MAP4: variants seen among roughly 807,000 people sequenced by gnomAD.
The protein encoded by MAP4 is microtubule-associated protein 4.
Under a neutral mutation model 170.2 loss-of-function variants are expected in MAP4, and 76 were observed. The observed-to-expected ratio is 0.45, with a 90% CI of 0.37 to 0.54. The LOEUF is 0.54. Ranked by LOEUF, MAP4 falls within the 20% of genes least tolerant of loss-of-function variation. MAP4 has a pLI of 0.00. For synonymous variants in MAP4, 909 were observed against 994.5 expected, an observed-to-expected ratio of 0.91 and a Z score of 1.62; for missense variants, 2,506 against 2,748.0, an observed-to-expected ratio of 0.91 and a Z score of 1.97.
Position 47,871,960 on chromosome 3 carries a change from T to C in MAP4, c.5898A>G (p.Pro1966=). ...GGAGCGTGGAGGGGCTCCTACTGCT[T>C]GGGCCAGTTGAGGCAACAGCAGCAG... ...TTAAAVASTG[P]SSRSPSTLLP... is the part of the protein sequence containing the mutation. Residue 1966 remains proline, a synonymous_variant, in exon 13 of 21, where the codon CCA becomes CCG. Transcript: ENST00000683076. 1 of 1,613,928 alleles carries C rather than the reference T, an allele frequency of 6.2e-7. No individual in the cohort carries two copies. Among genetic ancestry groups the C allele is most frequent in the Non-Finnish European group, 8.5e-7 (1 of 1,179,878 alleles).
chr3:48,072,242 T>A (rs150923083), intron 1 of MAP4, among the ~76,000 whole-genome samples: 1,607 of 152,132 alleles, frequency 0.011, 28 homozygotes, highest in African/African-American at 0.037. Flanking sequence ...GCACGCTGGC[T>A]CATGCCTGTA....
rs2100037859 is a variant in MAP4, at chr3:47,914,895, C to T, written c.1921G>A (p.Glu641Lys). ...CCTAGTTTTTCTAACACAGAATCCT[C>T]CTCGGCCGGCAAGCTGCACTTTTTC... is the stretch of plus-strand genomic sequence containing the variant. ...TGKKCSLPAE[E>K]DSVLEKLGER... The change falls in exon 8 of 21, where the codon GAG becomes AAG. Residue 641 changes from glutamate to lysine, a missense_variant. Transcript: ENST00000683076. The T allele has an allele frequency of 1.2e-6, 2 of 1,614,020 alleles. No homozygotes were observed. Among genetic ancestry groups the T allele is most frequent in the Non-Finnish European group, 1.7e-6 (2 of 1,180,034 alleles).
chr3:47,987,125 C>G (rs559643014), intron 2 of MAP4, among the ~76,000 whole-genome samples: 1 of 152,270 alleles, frequency 6.6e-6, no homozygotes, highest in South Asian at 2.1e-4. Flanking sequence ...ATCTGCTTCT[C>G]CATGATTCTC....
intron 3 of MAP4, among the ~76,000 whole-genome samples, chr3:47,936,164 G>A (rs1307979061): frequency 1.3e-5 from 2 of 151,894 alleles, no homozygotes; most frequent in Non-Finnish European, 1.5e-5. Context: ...GCCAGGCATG[G>A]TGGCTCACAC....
At chr3:48,076,868 C>G (rs1404052678) in intron 1 of MAP4, among the ~76,000 whole-genome samples, 2 of 152,154 alleles carry the variant, frequency 1.3e-5, no homozygotes, top group Non-Finnish European at 2.9e-5. Flanking sequence ...AAGATACTAT[C>G]AGTCAGGCAT....
At chr3:48,042,662 G>A (rs2100122253) in intron 1 of MAP4, among the ~76,000 whole-genome samples, 1 of 152,098 alleles carries the variant, frequency 6.6e-6, no homozygotes, top group Admixed American at 6.5e-5. Flanking sequence ...CTGCTAATGA[G>A]AACATAAAAT....
intron 11 of MAP4, 133 bp from the exon 12 acceptor site, chr3:47,876,033 T>G: frequency 3.2e-6 from 2 of 629,528 alleles, no homozygotes; most frequent in South Asian, 4.6e-5. Flanking sequence ...TGAGGATAGA[T>G]GCAACTTAAA....
intron 3 of MAP4, among the ~76,000 whole-genome samples, chr3:47,964,970 A>C (rs28698081): frequency 0.041 from 6,305 of 152,236 alleles, 435 homozygotes; most frequent in African/African-American, 0.14. Context: ...TCATCTTGCA[A>C]ATCAGAAACT....
At chr3:48,038,756 G>A (rs778363830) in intron 1 of MAP4, among the ~76,000 whole-genome samples, 6 of 152,182 alleles carry the variant, frequency 3.9e-5, no homozygotes, top group Middle Eastern at 3.4e-3. Flanking sequence ...CACTGTGCCC[G>A]GCCTACTGAA....
chr3:48,034,681 C>A (rs554030485), intron 1 of MAP4, among the ~76,000 whole-genome samples: 1 of 151,722 alleles, frequency 6.6e-6, no homozygotes, highest in Non-Finnish European at 1.5e-5. Flanking sequence ...CCACCCTGGG[C>A]GACAGAGAGA....
At chr3:48,003,260 C>T (rs1361050225) in intron 1 of MAP4, among the ~76,000 whole-genome samples, 1 of 151,940 alleles carries the variant, frequency 6.6e-6, no homozygotes, top group Non-Finnish European at 1.5e-5. Flanking sequence ...CGAGACCATC[C>T]TGGTTAACAT....
At chr3:48,049,278 TA>T (rs2100126272) in intron 1 of MAP4, among the ~76,000 whole-genome samples, 1 of 152,204 alleles carries the variant, frequency 6.6e-6, no homozygotes, top group Non-Finnish European at 1.5e-5. Flanking sequence ...TTATTTGGAG[TA>T]AATAACCAAA....
chr3:47,930,430 C>T (rs62260760), intron 3 of MAP4, among the ~76,000 whole-genome samples: 41 of 145,162 alleles, frequency 2.8e-4, no homozygotes, highest in East Asian at 8.1e-4. Context: ...CCGGCCTGGG[C>T]GACAGAGCGA....
chr3:48,040,053 C>A (rs1027910229), intron 1 of MAP4, among the ~76,000 whole-genome samples: 2 of 152,114 alleles, frequency 1.3e-5, no homozygotes, highest in Non-Finnish European at 2.9e-5. Context: ...ATTGACTATA[C>A]AAGTGACATA....
chr3:47,964,544 GA>G (rs1209482365), intron 3 of MAP4, among the ~76,000 whole-genome samples: 2 of 152,000 alleles, frequency 1.3e-5, no homozygotes, highest in Non-Finnish European at 2.9e-5. Context: ...ATTCAGTTTA[GA>G]ACATTTCAAA....
At chr3:47,888,089 G>A (rs2097913313) in intron 10 of MAP4, among the ~76,000 whole-genome samples, 1 of 152,202 alleles carries the variant, frequency 6.6e-6, no homozygotes, top group Admixed American at 6.5e-5. Context: ...TGGGGCCTTG[G>A]AGAATCTGTG....
chr3:48,075,084 C>T (rs2100143170), intron 1 of MAP4, among the ~76,000 whole-genome samples: 1 of 152,162 alleles, frequency 6.6e-6, no homozygotes, highest in African/African-American at 2.4e-5. Context: ...AGAAAACTCA[C>T]ACTTCCTAAT....
chr3:47,926,572 T>C (rs1577733765), intron 4 of MAP4, among the ~76,000 whole-genome samples: 1 of 152,170 alleles, frequency 6.6e-6, no homozygotes, highest in Non-Finnish European at 1.5e-5. Flanking sequence ...TCTTGCTGTA[T>C]TGCCCACGCT....
At chr3:48,066,837 TTTTTTTTTTTTTTTTTTTTTTG>T (rs2100138498) in intron 1 of MAP4, among the ~76,000 whole-genome samples, 1 of 112,032 alleles carries the variant, frequency 8.9e-6, no homozygotes, top group African/African-American at 3.6e-5. Flanking sequence ...TTTTTTTTTT[TTTTTTTTTTTTTTTTTTTTTTG>T]AGACGGAGTC....
Sources: gnomAD v4.1 joint callset for allele counts (sites outside exome capture counted in the v4.1 genomes callset) on GRCh38, gnomAD v4.1.1 for gene constraint, MANE v1.5 for transcripts, NCBI Gene and HGNC (gene_info 2026-07-23, HGNC 2026-07-21) for gene names.